Variants in CACNA1C observed in about 807,000 individuals in gnomAD.
CACNA1C encodes the protein calcium voltage-gated channel subunit alpha1 C, also known as voltage-dependent L-type calcium channel subunit alpha-1C.
CACNA1C carries 30 observed loss-of-function variants against 229.0 expected under a neutral mutation model. That is an observed-to-expected ratio of 0.13 (90% CI 0.10 to 0.18). CACNA1C has a LOEUF of 0.18. Ranked by LOEUF, CACNA1C falls within the 10% of genes least tolerant of loss-of-function variation. The probability of loss-of-function intolerance (pLI) is 1.00; values close to 1 mark genes in which losing one functional copy is unlikely to be tolerated. For missense variants in CACNA1C, 1,658 were observed against 2,845.0 expected (o/e 0.58, Z 9.49); for synonymous variants, 1,114 against 1,132.5 (o/e 0.98, Z 0.33).
At chr12:2,463,683 C>T (rs926409358) in intron 5 of CACNA1C, among the ~76,000 whole-genome samples, 2 of 152,076 alleles carry the variant, frequency 1.3e-5, no homozygotes, top group Non-Finnish European at 2.9e-5. Context: ...GGAGAGTGGC[C>T]GTGGCCCTGG....
chr12:2,632,932 G>A lies in CACNA1C; in HGVS notation c.3829-1365G>A, dbSNP rs977768255. 6.6e-6 allele frequency among the ~76,000 whole-genome samples: 1 copy of A among 152,170 alleles called. No individual in the cohort carries two copies. The highest frequency in any genetic ancestry group is 1.5e-5 in the Non-Finnish European group (1 of 68,022). On this transcript the variant is annotated intron_variant, in intron 29 of 46. Coordinates refer to ENST00000399655, the MANE Select transcript of CACNA1C (RefSeq NM_000719.7). This position sits in a 1 kb window ranked among gnomAD's most constrained non-coding sequence, Gnocchi z 4.1. ...TTCCCTTAGGAAAGTCTTTGCCAGGGTTGGAACTGCCCCTGGAAACACTGG... is the reference window on the plus strand; with the variant it reads ...TTCCCTTAGGAAAGTCTTTGCCAGGATTGGAACTGCCCCTGGAAACACTGG...
chr12:2,032,811 G>C (rs1468612108), intron 1 of CACNA1C, among the ~76,000 whole-genome samples: 1 of 152,188 alleles, frequency 6.6e-6, no homozygotes, highest in African/African-American at 2.4e-5. Context: ...TTGCAGTAGA[G>C]AACATGAATG....
intron 3 of CACNA1C, among the ~76,000 whole-genome samples, chr12:2,187,072 A>G (rs1044554841): frequency 6.6e-6 from 1 of 151,702 alleles, no homozygotes; most frequent in Non-Finnish European, 1.5e-5. Context: ...GCAGAGTCAA[A>G]CACACAGACT....
chr12:2,674,213 G>A (rs1467168558), intron 38 of CACNA1C, among the ~76,000 whole-genome samples: 1 of 152,236 alleles, frequency 6.6e-6, no homozygotes, highest in Non-Finnish European at 1.5e-5. Flanking sequence ...CCTGCCCAGG[G>A]GCTGGGCTCA....
At chr12:2,105,660 G>GGGC (rs2078046240) in intron 1 of CACNA1C, among the ~76,000 whole-genome samples, 1 of 106,984 alleles carries the variant, frequency 9.3e-6, no homozygotes, top group African/African-American at 3.5e-5. Context: ...ACCTCAGCTG[G>GGGC]GCATCCTGAA....
intron 29 of CACNA1C, among the ~76,000 whole-genome samples, chr12:2,625,777 T>TAA (rs59001750): frequency 9.2e-5 from 10 of 108,914 alleles, no homozygotes; most frequent in African/African-American, 1.4e-4. Context: ...ACCCCATCTC[T>TAA]AAAAAAAAAA....
intron 4 of CACNA1C, among the ~76,000 whole-genome samples, chr12:2,455,331 C>T (rs2099410940): frequency 6.7e-6 from 1 of 149,602 alleles, no homozygotes; most frequent in Non-Finnish European, 1.5e-5. Flanking sequence ...GGCTAATCTG[C>T]ATTGCAATAA....
intron 3 of CACNA1C, among the ~76,000 whole-genome samples, chr12:2,248,593 C>G (rs2074296167): frequency 6.6e-6 from 1 of 152,216 alleles, no homozygotes; most frequent in African/African-American, 2.4e-5. Context: ...AGAAGTGAGC[C>G]TTCCTGTCTT....
chr12:2,185,527 A>G (rs901173406), intron 3 of CACNA1C, among the ~76,000 whole-genome samples: 1 of 152,204 alleles, frequency 6.6e-6, no homozygotes, highest in Non-Finnish European at 1.5e-5. Flanking sequence ...GGGTGGGCCT[A>G]CTCCAATATG....
rs35226766 is a variant in CACNA1C at position 2,040,154 on chromosome 12, A to ATT, written c.139+68962_139+68963dup. 4.8e-3 allele frequency among the ~76,000 whole-genome samples: 718 copies of ATT among 148,646 alleles called. 4 individuals are homozygous for ATT. Among genetic ancestry groups the ATT allele is most frequent in the African/African-American group, 0.017 (689 of 40,702 alleles). On this transcript the variant is annotated intron_variant, in intron 1 of 46. Coordinates refer to the CACNA1C transcript ENST00000682462. Reference sequence around the variant, plus strand: ...GAGGATGGACAGCAAAACTCCATCTATTTTTTTTTTGTTCGTTTGTTTCTG... The same window carrying ATT: ...GAGGATGGACAGCAAAACTCCATCTATTTTTTTTTTTTGTTCGTTTGTTTCTG...
chr12:1,975,826 A>G (rs1313445164), intron 1 of CACNA1C, among the ~76,000 whole-genome samples: 11 of 152,182 alleles, frequency 7.2e-5, no homozygotes, highest in African/African-American at 2.4e-4. Context: ...GTTAAGTTAC[A>G]TAAGAAATGT....
chr12:2,386,626 A>G (rs2098396310), intron 3 of CACNA1C, among the ~76,000 whole-genome samples: 1 of 152,024 alleles, frequency 6.6e-6, no homozygotes, highest in Admixed American at 6.6e-5. Context: ...CCTCCTCCCC[A>G]CACAGGTTCA....
chr12:2,019,965 A>G (rs2046152348), intron 1 of CACNA1C: 1 of 152,214 alleles, frequency 6.6e-6, no homozygotes, highest in Non-Finnish European at 1.5e-5. Flanking sequence ...TTAAAATAGT[A>G]TGAAAGACAA....
intron 3 of CACNA1C, among the ~76,000 whole-genome samples, chr12:2,336,914 A>C (rs938296495): frequency 6.6e-6 from 1 of 152,154 alleles, no homozygotes; most frequent in African/African-American, 2.4e-5. Flanking sequence ...AGAGTAAGAC[A>C]CCGCAAGAAA....
intron 8 of CACNA1C, among the ~76,000 whole-genome samples, chr12:2,511,609 C>T (rs2099784146): frequency 6.6e-6 from 1 of 152,064 alleles, no homozygotes; most frequent in Admixed American, 6.5e-5. Flanking sequence ...CACATACATG[C>T]ACCACCAAGG....
intron 7 of CACNA1C, among the ~76,000 whole-genome samples, chr12:2,502,644 A>G (rs1388920445): frequency 6.6e-6 from 1 of 152,190 alleles, no homozygotes; most frequent in East Asian, 1.9e-4. Flanking sequence ...ATACATCTCA[A>G]TGGATCTGTA....
At chr12:2,527,684 T>C (rs554448207) in intron 9 of CACNA1C, among the ~76,000 whole-genome samples, 2 of 152,356 alleles carry the variant, frequency 1.3e-5, no homozygotes, top group East Asian at 3.9e-4. Context: ...TAATATTCGC[T>C]AAGGTCAGCT....
intron 10 of CACNA1C, chr12:2,550,575 GTT>G: frequency 7.4e-7 from 1 of 1,351,786 alleles, no homozygotes. Flanking sequence ...GGAGCCTGCT[GTT>G]CTGTTGCCTT....
At chr12:2,675,590 C>A (rs2096766491) in intron 39 of CACNA1C, among the ~76,000 whole-genome samples, 2 of 152,204 alleles carry the variant, frequency 1.3e-5, no homozygotes, top group African/African-American at 4.8e-5. Flanking sequence ...ATGCGAACCT[C>A]TCTTGGCCAA....
Sources: allele counts gnomAD v4.1 joint callset (sites outside exome capture counted in the v4.1 genomes callset), GRCh38; gene constraint gnomAD v4.1.1; non-coding constraint Gnocchi (gnomAD v3.1); transcripts MANE v1.5; gene names NCBI Gene and HGNC (gene_info 2026-07-23, HGNC 2026-07-21).